ENPP6: variants seen among roughly 807,000 people sequenced by gnomAD.
The protein encoded by ENPP6 is ectonucleotide pyrophosphatase/phosphodiesterase 6.
ENPP6 carries 32 observed loss-of-function variants against 42.0 expected under a neutral mutation model. That is an observed-to-expected ratio of 0.76 (90% confidence interval 0.58 to 1.02). The LOEUF is 1.02. Ranked by LOEUF, ENPP6 falls within the 50% of genes least tolerant of loss-of-function variation. The probability of loss-of-function intolerance (pLI) is 0.00; values close to 1 mark genes in which losing one functional copy is unlikely to be tolerated. For missense variants in ENPP6, 552 were observed against 566.8 expected, an observed-to-expected ratio of 0.97 and a Z score of 0.27; for synonymous variants, 213 against 216.0, an observed-to-expected ratio of 0.99 and a Z score of 0.12.
intron 2 of ENPP6, among the ~76,000 whole-genome samples, chr4:184,137,038 T>C (rs1243214242): frequency 6.6e-6 from 1 of 152,216 alleles, no homozygotes; most frequent in Non-Finnish European, 1.5e-5. Flanking sequence ...GTTCCCTTTG[T>C]AAAAAAGATT....
chr4:184,186,847 T>G (rs1250843012), intron 1 of ENPP6, among the ~76,000 whole-genome samples: 1 of 152,152 alleles, frequency 6.6e-6, no homozygotes, highest in Non-Finnish European at 1.5e-5. Flanking sequence ...CATGCCCCGG[T>G]GCTAGAGTGA....
At chr4:184,145,749 G>A (rs528420298) in intron 2 of ENPP6, among the ~76,000 whole-genome samples, 51 of 152,358 alleles carry the variant, frequency 3.3e-4, no homozygotes, top group African/African-American at 1.2e-3. Flanking sequence ...CAGCCCCTGA[G>A]CCACTGCAGC....
intron 3 of ENPP6, among the ~76,000 whole-genome samples, chr4:184,118,721 G>T (rs946801033): frequency 6.6e-6 from 1 of 152,212 alleles, no homozygotes; most frequent in African/African-American, 2.4e-5. Flanking sequence ...GTTTTCCACA[G>T]GGATCTGGTT....
At chr4:184,111,751 G>C (rs1188939329) in intron 6 of ENPP6, among the ~76,000 whole-genome samples, 1 of 152,166 alleles carries the variant, frequency 6.6e-6, no homozygotes, top group Non-Finnish European at 1.5e-5. Flanking sequence ...CACACAACCT[G>C]TGTGTTACAT....
At chr4:184,120,696 T>TG (rs547477926) in intron 3 of ENPP6, among the ~76,000 whole-genome samples, 106 of 152,310 alleles carry the variant, frequency 7.0e-4, no homozygotes, top group African/African-American at 2.3e-3. Context: ...GGGCCGTGTG[T>TG]GGGGGGCACT....
rs762020121 is a variant in ENPP6, at chr4:184,117,743, C to G, written c.675+16G>C. The G allele has an allele frequency of 6.2e-7, 1 of 1,612,232 alleles. No homozygotes were observed. The highest frequency in any genetic ancestry group is 1.3e-5 in the African/African-American group (1 of 74,904). On this transcript the variant is annotated intron_variant, in intron 4 of 7. Transcript: ENST00000296741. Reference sequence around the variant, plus strand: ...ACAGAGAGAAGGCCAGGCCACGTGTCTTTGCTTCAGGTCACCTGGATCCAC... The same window carrying G: ...ACAGAGAGAAGGCCAGGCCACGTGTGTTTGCTTCAGGTCACCTGGATCCAC...
Position 184,217,829 on chromosome 4 carries a change from A to T in ENPP6, c.-10T>A. 6.2e-7 allele frequency: 1 copy of T among 1,611,870 alleles called. No individual in the cohort carries two copies. The highest frequency in any genetic ancestry group is 8.5e-7 in the Non-Finnish European group (1 of 1,179,228). ...CAAGCTTCACTGCCATGCTGCCAGG[A>T]GCCTGCCAGAGCCCGGCTGGCACAG... On this transcript the variant is annotated 5_prime_UTR_variant, in exon 1 of 8. Coordinates refer to ENST00000296741, the MANE Select transcript of ENPP6 (RefSeq NM_153343.4).
chr4:184,168,726 G>A (rs1421842877), intron 1 of ENPP6, among the ~76,000 whole-genome samples: 1 of 152,170 alleles, frequency 6.6e-6, no homozygotes, highest in African/African-American at 2.4e-5. Context: ...CCCAGGATTC[G>A]CAGGAATCTG....
rs114607120 is a variant in ENPP6 at position 184,105,084 on chromosome 4, C to T, written c.993+7588G>A. ...ATTAGGCTGATTGAAGTTACTTGGGCGAGCACGGTTACCCCTCCCTGACCA... is the reference window on the plus strand; with the variant it reads ...ATTAGGCTGATTGAAGTTACTTGGGTGAGCACGGTTACCCCTCCCTGACCA... On this transcript the variant is annotated intron_variant, in intron 6 of 7. Transcript: ENST00000296741. Among the ~76,000 whole-genome samples the T allele has an allele frequency of 5.1e-3, 773 of 152,252 alleles. 5 individuals carry two copies. Among genetic ancestry groups the T allele is most frequent in the African/African-American group, 0.017 (725 of 41,538 alleles).
At chr4:184,161,244 A>G (rs1204000360) in intron 1 of ENPP6, among the ~76,000 whole-genome samples, 1 of 152,216 alleles carries the variant, frequency 6.6e-6, no homozygotes, top group Non-Finnish European at 1.5e-5. Flanking sequence ...TGAATAGACA[A>G]TTCTCAAAAG....
At chr4:184,122,318 A>G (rs983873966) in intron 3 of ENPP6, among the ~76,000 whole-genome samples, 9 of 152,092 alleles carry the variant, frequency 5.9e-5, no homozygotes, top group African/African-American at 1.9e-4. Flanking sequence ...GTGGCAGCCT[A>G]GCTGGGGACC....
intron 2 of ENPP6, among the ~76,000 whole-genome samples, chr4:184,131,956 CA>C (rs1736644299): frequency 1.3e-5 from 2 of 151,512 alleles, no homozygotes; most frequent in African/African-American, 4.8e-5. Context: ...AGTCCTAATT[CA>C]GTCCTAATTC....
intron 1 of ENPP6, among the ~76,000 whole-genome samples, chr4:184,154,291 C>T (rs188368019): frequency 6.6e-6 from 1 of 152,296 alleles, no homozygotes; most frequent in Admixed American, 6.5e-5. Flanking sequence ...CCTTCAAATG[C>T]AGTGTTATAC....
chr4:184,175,953 CCT>C (rs1491175984), intron 1 of ENPP6, among the ~76,000 whole-genome samples: 1 of 149,852 alleles, frequency 6.7e-6, no homozygotes, highest in Non-Finnish European at 1.5e-5. Flanking sequence ...ACAAAATAAT[CCT>C]TTTTTTTTTC....
intron 2 of ENPP6, among the ~76,000 whole-genome samples, chr4:184,133,929 A>T (rs1313674636): frequency 3.4e-5 from 5 of 147,988 alleles, no homozygotes; most frequent in Non-Finnish European, 7.4e-5. Context: ...GTGATTTTTC[A>T]ATGTTAAACC....
intron 3 of ENPP6, among the ~76,000 whole-genome samples, chr4:184,121,009 T>C (rs1041196677): frequency 2.6e-5 from 4 of 152,144 alleles, no homozygotes; most frequent in African/African-American, 9.7e-5. Context: ...CACCACTGGC[T>C]GGCTTGTGAG....
intron 5 of ENPP6, 74 bp downstream of exon 5, chr4:184,116,782 A>G: frequency 3.9e-6 from 6 of 1,539,824 alleles, no homozygotes; most frequent in Non-Finnish European, 5.2e-6. Context: ...AAAAACTACA[A>G]GGAAAAGACA....
At chr4:184,140,280 G>A (rs1579630860) in intron 2 of ENPP6, among the ~76,000 whole-genome samples, 2 of 151,130 alleles carry the variant, frequency 1.3e-5, no homozygotes, top group Admixed American at 1.3e-4. Context: ...CTCATGGGTA[G>A]GAAGAATCAA....
intron 6 of ENPP6, 84 bp downstream of exon 6, chr4:184,112,588 A>G: frequency 4.0e-6 from 6 of 1,489,162 alleles, no homozygotes; most frequent in Non-Finnish European, 5.4e-6. Context: ...TTTTATGTAT[A>G]AAAACTTGAG....
Sources: gnomAD v4.1 joint callset for allele counts (sites outside exome capture counted in the v4.1 genomes callset) on GRCh38, gnomAD v4.1.1 for gene constraint, MANE v1.5 for transcripts, NCBI Gene and HGNC (gene_info 2026-07-23, HGNC 2026-07-21) for gene names.